Variants in VPS13B observed in about 807,000 individuals in gnomAD.
VPS13B encodes the protein intermembrane lipid transfer protein VPS13B.
VPS13B carries 285 observed loss-of-function variants against 426.4 expected under a neutral mutation model. The ratio of observed to expected loss-of-function variants is 0.67; its 90% CI spans 0.61 to 0.74. The LOEUF (loss-of-function observed/expected upper bound fraction) is 0.74, where lower values mean the gene tolerates loss of function less well. Among genes scored for constraint, VPS13B ranks in the 30% least tolerant of loss-of-function variants. The pLI is 0.00. For missense variants in VPS13B, 4,537 were observed against 4,782.6 expected (o/e 0.95, Z 1.51); for synonymous variants, 1,676 against 1,676.4 (o/e 1.00, Z 0.01).
intron 15 of VPS13B, among the ~76,000 whole-genome samples, chr8:99,169,177 A>G (rs965390232): frequency 6.6e-6 from 1 of 152,018 alleles, no homozygotes; most frequent in Admixed American, 6.6e-5. Flanking sequence ...GTAACTAAAG[A>G]TAAATGTTGA....
At chr8:99,825,457 G>A (rs1268758376) in intron 51 of VPS13B, among the ~76,000 whole-genome samples, 2 of 152,076 alleles carry the variant, frequency 1.3e-5, no homozygotes, top group African/African-American at 4.8e-5. Flanking sequence ...TAAGTTTCTT[G>A]TAGATTCTAG....
chr8:99,870,177 CT>C lies in VPS13B; in HGVS notation c.11393-598del, dbSNP rs113637410. On this transcript the variant is annotated intron_variant, in intron 59 of 61. Transcript: ENST00000357162. ...TAAGGAAGTTAACTAACAATCTAGACTTTTTTTTTTAGACACAGGGTTTTGC... is the reference window on the plus strand; with the variant it reads ...TAAGGAAGTTAACTAACAATCTAGACTTTTTTTTTAGACACAGGGTTTTGC... Among the ~76,000 whole-genome samples, 440 of 148,888 alleles carry C rather than the reference CT, an allele frequency of 3.0e-3. 1 individual carries two copies. The highest frequency in any genetic ancestry group is 9.0e-3 in the African/African-American group (365 of 40,708).
At chr8:99,100,969 G>T (rs553187206) in intron 4 of VPS13B, among the ~76,000 whole-genome samples, 3 of 151,804 alleles carry the variant, frequency 2.0e-5, no homozygotes, top group Non-Finnish European at 4.4e-5. Flanking sequence ...ACTTGAACCC[G>T]GGAGGCGGAG....
intron 17 of VPS13B, among the ~76,000 whole-genome samples, chr8:99,259,322 A>G (rs993707062): frequency 1.3e-5 from 2 of 152,162 alleles, no homozygotes; most frequent in Non-Finnish European, 2.9e-5. Flanking sequence ...AGAAACATAT[A>G]GCAAGACTTC....
intron 30 of VPS13B, among the ~76,000 whole-genome samples, chr8:99,547,981 A>G (rs968918546): frequency 7.9e-5 from 12 of 152,140 alleles, no homozygotes; most frequent in African/African-American, 2.7e-4. Context: ...TATGATAGCA[A>G]ACATTTCTAG....
At chr8:99,166,874 G>A (rs575712954) in intron 15 of VPS13B, among the ~76,000 whole-genome samples, 12 of 152,262 alleles carry the variant, frequency 7.9e-5, no homozygotes, top group South Asian at 4.1e-4. Context: ...ATATAGACCC[G>A]TAGAAAAGAA....
intron 30 of VPS13B, among the ~76,000 whole-genome samples, chr8:99,546,624 T>C (rs1432607096): frequency 1.3e-5 from 2 of 152,062 alleles, no homozygotes; most frequent in Non-Finnish European, 2.9e-5. Context: ...CATTAAACTG[T>C]AATCAAATGT....
At chr8:99,236,359 C>T (rs548942779) in intron 17 of VPS13B, among the ~76,000 whole-genome samples, 2 of 152,176 alleles carry the variant, frequency 1.3e-5, no homozygotes, top group East Asian at 1.9e-4. Context: ...AAGCAATTCT[C>T]CTGACTCAGT....
intron 19 of VPS13B, among the ~76,000 whole-genome samples, chr8:99,315,469 A>T (rs1809587752): frequency 1.4e-5 from 2 of 146,284 alleles, no homozygotes; most frequent in Admixed American, 6.8e-5. Context: ...CAGATTTTTT[A>T]TTTCCAGAAT....
intron 33 of VPS13B, among the ~76,000 whole-genome samples, chr8:99,578,099 GC>G (rs1438956608): frequency 6.6e-6 from 1 of 152,108 alleles, no homozygotes; most frequent in African/African-American, 2.4e-5. Context: ...TTGAATGCCT[GC>G]CTAGAATTTT....
At chr8:99,598,164 C>T (rs967339334) in intron 33 of VPS13B, among the ~76,000 whole-genome samples, 33 of 152,006 alleles carry the variant, frequency 2.2e-4, no homozygotes, top group African/African-American at 7.5e-4. Context: ...TGCAGCTAGA[C>T]AATGACTTAA....
chr8:99,060,245 G>A (rs1844108183), intron 3 of VPS13B, among the ~76,000 whole-genome samples: 1 of 152,156 alleles, frequency 6.6e-6, no homozygotes, highest in Non-Finnish European at 1.5e-5. Flanking sequence ...GATCCTAGAA[G>A]TAATAGAGGA....
intron 3 of VPS13B, among the ~76,000 whole-genome samples, chr8:99,081,083 T>C (rs1165420571): frequency 6.6e-6 from 1 of 152,222 alleles, no homozygotes; most frequent in Non-Finnish European, 1.5e-5. Flanking sequence ...TGTTAAATTC[T>C]AGGCAGTGGT....
At chr8:99,193,532 T>C (rs1813720143) in intron 17 of VPS13B, among the ~76,000 whole-genome samples, 1 of 152,136 alleles carries the variant, frequency 6.6e-6, no homozygotes, top group African/African-American at 2.4e-5. Flanking sequence ...TCTGCTTTCA[T>C]ATCACTATAA....
At chr8:99,836,627 T>C (rs1210154376) in intron 54 of VPS13B, among the ~76,000 whole-genome samples, 3 of 152,228 alleles carry the variant, frequency 2.0e-5, no homozygotes, top group Non-Finnish European at 4.4e-5. Flanking sequence ...TGAATAATAT[T>C]GTGCCATACT....
At chr8:99,384,918 A>T (rs1428459606) in intron 20 of VPS13B, among the ~76,000 whole-genome samples, 1 of 152,184 alleles carries the variant, frequency 6.6e-6, no homozygotes, top group Admixed American at 6.5e-5. Flanking sequence ...ACCTCAAGTG[A>T]TGTACCCACC....
At position 99,589,204 on chromosome 8, in the gene VPS13B, A is replaced by AT. The variant is rs1355435737; in HGVS notation, c.5220+11578dup. Among the ~76,000 whole-genome samples, 192 of 151,688 alleles carry AT rather than the reference A, an allele frequency of 1.3e-3. 6 individuals carry two copies. The highest frequency in any genetic ancestry group is 4.5e-3 in the African/African-American group (183 of 41,096). ...GTGCTGCTGGATTTGATTTTCCAGTATTTTTTTATTATTATTATACTTTAA... is the reference window on the plus strand; with the variant it reads ...GTGCTGCTGGATTTGATTTTCCAGTATTTTTTTTATTATTATTATACTTTAA... On this transcript the variant is annotated intron_variant, in intron 33 of 61. Coordinates refer to ENST00000357162, the MANE Select transcript of VPS13B (RefSeq NM_152564.5).
chr8:99,400,914 C>T (rs1325590598), intron 21 of VPS13B, among the ~76,000 whole-genome samples: 5 of 152,174 alleles, frequency 3.3e-5, no homozygotes, highest in Admixed American at 2.6e-4. Flanking sequence ...TCAAGTGATC[C>T]GTCCATCTCG....
At chr8:99,426,217 C>T (rs1401771607) in intron 21 of VPS13B, among the ~76,000 whole-genome samples, 1 of 143,586 alleles carries the variant, frequency 7.0e-6, no homozygotes, top group Non-Finnish European at 1.5e-5. Flanking sequence ...CCAATTTCAT[C>T]CATGTCCCTA....
Sources: gnomAD v4.1 joint callset for allele counts (sites outside exome capture counted in the v4.1 genomes callset) on GRCh38, gnomAD v4.1.1 for gene constraint, MANE v1.5 for transcripts, NCBI Gene and HGNC (gene_info 2026-07-23, HGNC 2026-07-21) for gene names.